The following LAMA1 variants were observed in gnomAD, a reference collection of about 807,000 sequenced individuals.
LAMA1 encodes laminin subunit alpha 1.
In LAMA1, 219 loss-of-function variants were observed where a neutral mutation model predicts 348.7. That is an observed-to-expected ratio of 0.63 (90% CI 0.56 to 0.70). The LOEUF (loss-of-function observed/expected upper bound fraction) is 0.70, where lower values mean the gene tolerates loss of function less well. Ranked by LOEUF, LAMA1 falls within the 30% of genes least tolerant of loss-of-function variation. The pLI is 0.00. For missense variants in LAMA1, 3,744 were observed against 3,888.0 expected, an observed-to-expected ratio of 0.96 and a Z score of 0.99; for synonymous variants, 1,487 against 1,491.0, an observed-to-expected ratio of 1.00 and a Z score of 0.06.
At chr18:6,960,593 T>A (rs1239249501) in intron 53 of LAMA1, 1 of 150,310 alleles carries the variant, frequency 6.7e-6, no homozygotes, top group Non-Finnish European at 1.5e-5. Context: ...GGTGGCCTCG[T>A]AACATTGTGA....
chr18:7,024,724 C>T (rs977080491), intron 17 of LAMA1, among the ~76,000 whole-genome samples: 3 of 152,198 alleles, frequency 2.0e-5, no homozygotes, highest in Non-Finnish European at 4.4e-5. Flanking sequence ...GCCCACAGCG[C>T]GCCTGCTTCT....
intron 1 of LAMA1, among the ~76,000 whole-genome samples, chr18:7,083,956 C>T (rs1461291807): frequency 6.6e-6 from 1 of 151,410 alleles, no homozygotes; most frequent in Non-Finnish European, 1.5e-5. Flanking sequence ...TGCCTGTAAT[C>T]CAGCTACTCG....
chr18:7,045,887 G>A (rs953113815), intron 6 of LAMA1, among the ~76,000 whole-genome samples: 3 of 151,676 alleles, frequency 2.0e-5, no homozygotes, highest in Non-Finnish European at 2.9e-5. Flanking sequence ...CAAAAAAAAC[G>A]GAAGGGGAGA....
rs113838739 is a variant in LAMA1 at position 7,023,391 on chromosome 18, A to T, written c.2490-16T>A. 20 of 1,609,712 alleles carry T rather than the reference A, an allele frequency of 1.2e-5. No individual in the cohort carries two copies. The highest frequency in any genetic ancestry group is 1.6e-5 in the Non-Finnish European group (19 of 1,176,042). ...ATCTGCACATCTGTATCAAAGATTG[A>T]AAGTGGGATCAGACAAATGCAGTTA... On this transcript the variant is annotated splice_polypyrimidine_tract_variant and intron_variant, in intron 18 of 62. Transcript: ENST00000389658.
chr18:7,067,102 C>T (rs2058125828), intron 3 of LAMA1, among the ~76,000 whole-genome samples: 1 of 152,128 alleles, frequency 6.6e-6, no homozygotes, highest in Non-Finnish European at 1.5e-5. Flanking sequence ...ATTGGTAGCA[C>T]CTGGCTCTCC....
intron 5 of LAMA1, 84 bp from the exon 6 acceptor site, chr18:7,046,451 T>C (rs889020775): frequency 2.6e-6 from 2 of 778,056 alleles, no homozygotes; most frequent in Non-Finnish European, 2.2e-6. Context: ...AAATATCTCA[T>C]GTAGTTTAAG....
chr18:6,972,960 G>T, intron 47 of LAMA1, 97 bp downstream of exon 47: 1 of 1,415,172 alleles, frequency 7.1e-7, no homozygotes. Flanking sequence ...CAAAGTTCTG[G>T]GATTACAGGC....
intron 41 of LAMA1, among the ~76,000 whole-genome samples, chr18:6,981,104 A>C (rs1305198490): frequency 1.4e-5 from 2 of 146,086 alleles, no homozygotes; most frequent in Non-Finnish European, 3.0e-5. Context: ...CTCCGTCTCA[A>C]AAAAAAAAAA....
chr18:7,044,723 T>G lies in LAMA1; in HGVS notation c.975A>C (p.Glu325Asp), dbSNP rs1391904351. ...PGTVSSGNTC[E>D]ACNCHNKAKD... Reference sequence around the variant, plus strand: ...CCTTCAGATTCTAAGTATACTGACCTTCACATGTATTGCCGGAGGACACGG... The same window carrying G: ...CCTTCAGATTCTAAGTATACTGACCGTCACATGTATTGCCGGAGGACACGG... The change falls in exon 7 of 63, where the codon GAA (glutamate) becomes GAC (aspartate). Residue 325 changes from glutamate to aspartate, a missense_variant and splice_region_variant. By Grantham distance (45) the Glu-to-Asp change is conservative (BLOSUM62 2). Transcript: ENST00000389658. The G allele has an allele frequency of 1.2e-6, 2 of 1,612,342 alleles. No homozygotes were observed. The highest frequency in any genetic ancestry group is 3.3e-5 in the Admixed American group (2 of 59,998).
At chr18:7,000,995 G>A (rs2057805147) in intron 30 of LAMA1, among the ~76,000 whole-genome samples, 1 of 152,180 alleles carries the variant, frequency 6.6e-6, no homozygotes, top group African/African-American at 2.4e-5. Context: ...CTTTGGGGAT[G>A]TTTATAACCT....
chr18:7,037,631 T>C lies in LAMA1; in HGVS notation c.1684A>G (p.Arg562Gly). 1.2e-6 allele frequency: 2 copies of C among 1,614,142 alleles called. No individual in the cohort carries two copies. The highest frequency in any genetic ancestry group is 1.7e-6 in the Non-Finnish European group (2 of 1,180,022). The part of the protein sequence containing the change: ...VSINNTAVMQ[R>G]LAPKYYWAAP... ...GCCCAGTAGTACTTGGGAGCCAGTC[T>C]CTGCATGACCGCGGTGTTGTTGATG... The change falls in exon 12 of 63, where the codon AGA (arginine) becomes GGA (glycine). Residue 562 changes from arginine to glycine, a missense_variant. This residue lies in a region of LAMA1 where 1,529 missense variants were observed against 1,689.4 expected (regional missense o/e 0.91). Coordinates refer to ENST00000389658, the MANE Select transcript of LAMA1 (RefSeq NM_005559.4).
intron 1 of LAMA1, among the ~76,000 whole-genome samples, chr18:7,107,052 G>A (rs148238489): frequency 6.6e-6 from 1 of 151,532 alleles, no homozygotes; most frequent in Admixed American, 6.6e-5. Flanking sequence ...CAAGCAGAAC[G>A]TAGATGGCAA....
chr18:7,063,778 C>T, intron 3 of LAMA1, among the ~76,000 whole-genome samples: 1 of 152,128 alleles, frequency 6.6e-6, no homozygotes, highest in African/African-American at 2.4e-5. Flanking sequence ...TATGATTCCA[C>T]TTATGTAAGC....
chr18:6,960,150 C>T (rs1190131457), intron 53 of LAMA1: 3 of 158,868 alleles, frequency 1.9e-5, no homozygotes, highest in African/African-American at 7.2e-5. Context: ...TATCATATAA[C>T]CAGTGATTCC....
chr18:6,946,884 C>T (rs2057524000), intron 61 of LAMA1, among the ~76,000 whole-genome samples: 1 of 152,060 alleles, frequency 6.6e-6, no homozygotes, highest in Non-Finnish European at 1.5e-5. Context: ...ATCAGGTCAG[C>T]AGCTTATTCT....
intron 43 of LAMA1, 42 bp downstream of exon 43, chr18:6,978,154 T>C: frequency 6.2e-7 from 1 of 1,612,634 alleles, no homozygotes; most frequent in Non-Finnish European, 8.5e-7. Context: ...CACGTCTGCA[T>C]GACGCAGACG....
chr18:6,961,939 T>A lies in LAMA1; in HGVS notation c.7452+6A>T, dbSNP rs2144008701. ...TCATTTGAACATTAATAACAATGTT[T>A]CCTACCTCCAGTAAACAGCCTTTTC... On this transcript the variant is annotated splice_donor_region_variant and intron_variant, in intron 52 of 62. Coordinates refer to ENST00000389658, the MANE Select transcript of LAMA1 (RefSeq NM_005559.4). 2 of 1,608,492 alleles carry A rather than the reference T, an allele frequency of 1.2e-6. No homozygotes were observed.
At chr18:7,048,210 CA>C (rs1039660312) in intron 5 of LAMA1, among the ~76,000 whole-genome samples, 1 of 151,528 alleles carries the variant, frequency 6.6e-6, no homozygotes, top group East Asian at 1.9e-4. Flanking sequence ...TAAAAATGGA[CA>C]AAAAAAATCT....
At chr18:7,096,526 G>A (rs955273557) in intron 1 of LAMA1, among the ~76,000 whole-genome samples, 6 of 151,808 alleles carry the variant, frequency 4.0e-5, no homozygotes, top group African/African-American at 7.3e-5. Context: ...ATGGTAGTGC[G>A]TGTCTGTAGT....
Sources: gnomAD v4.1 joint callset for allele counts (sites outside exome capture counted in the v4.1 genomes callset) on GRCh38, gnomAD v4.1.1 for gene constraint, gnomAD v4.1.1 regional missense constraint, MANE v1.5 for transcripts, NCBI Gene and HGNC (gene_info 2026-07-23, HGNC 2026-07-21) for gene names.